Variants in ANKRD11 observed in about 807,000 individuals in gnomAD.
ANKRD11 encodes the protein ankyrin repeat domain-containing protein 11.
ANKRD11 carries 17 observed loss-of-function variants against 195.7 expected under a neutral mutation model. That is an observed-to-expected ratio of 0.09 (90% CI 0.06 to 0.13). ANKRD11 has a LOEUF of 0.13. Ranked by LOEUF, ANKRD11 falls within the 10% of genes least tolerant of loss-of-function variation. The pLI is 1.00. For synonymous variants in ANKRD11, 1,953 were observed against 1,528.1 expected (o/e 1.28, Z -6.49); for missense variants, 3,735 against 3,566.1 (o/e 1.05, Z -1.21).
chr16:89,474,308 T>C (rs1461075222), intron 1 of ANKRD11, among the ~76,000 whole-genome samples: 1 of 151,996 alleles, frequency 6.6e-6, no homozygotes, highest in African/African-American at 2.4e-5. Context: ...GTCAATTTGT[T>C]ACACAGCAGT....
At position 89,275,256 on chromosome 16, in the gene ANKRD11, TG is replaced by T. The variant is rs2033552801; in HGVS notation, c.7471-66del. 2.8e-6 allele frequency: 4 copies of T among 1,426,996 alleles called. No homozygotes were observed. In the African/African-American group the frequency reaches 4.2e-5, roughly 15 times the overall value. The allele number at this position is 1,426,996 out of a possible 1,614,324, so 88.4% of individuals were successfully genotyped here. ...GTGGAACTGCACGAAGGATATAGTC[TG>T]GAGTTCACGGGGGTCCCGACTCAGC... On this transcript the variant is annotated intron_variant, in intron 9 of 12. Transcript: ENST00000301030.
At chr16:89,311,364 C>A (rs192904157) in intron 3 of ANKRD11, among the ~76,000 whole-genome samples, 4 of 152,284 alleles carry the variant, frequency 2.6e-5, no homozygotes, top group Non-Finnish European at 5.9e-5. Flanking sequence ...TCCTGTAGTA[C>A]CTTTGTCTGG....
At chr16:89,449,853 C>T (rs1440251606) in intron 1 of ANKRD11, among the ~76,000 whole-genome samples, 1 of 144,958 alleles carries the variant, frequency 6.9e-6, no homozygotes, top group Admixed American at 7.0e-5. Context: ...CACATACTGG[C>T]AACAGAAAGC....
rs1209414366 is a variant in ANKRD11, at chr16:89,418,326, T to C, written c.-102A>G. ...GTCAGTGCTGACGAGGACTGTCTTTTAAATCCAATGGAGGTGTGTCCCAGA... is the reference window on the plus strand; with the variant it reads ...GTCAGTGCTGACGAGGACTGTCTTTCAAATCCAATGGAGGTGTGTCCCAGA... On this transcript the variant is annotated 5_prime_UTR_variant, in exon 2 of 13. It removes the in-frame stop codon of an upstream open reading frame in the 5' UTR. Coordinates refer to ENST00000301030, the MANE Select transcript of ANKRD11 (RefSeq NM_013275.6). 10 of 453,908 alleles carry C rather than the reference T, an allele frequency of 2.2e-5. No homozygotes were observed. The highest frequency in any genetic ancestry group is 4.4e-5 in the Non-Finnish European group (10 of 226,714). 28.1% of individuals were successfully genotyped at this position (453,908 alleles called of 1,614,324 possible).
chr16:89,279,981 C>T lies in ANKRD11; in HGVS notation c.6561G>A (p.Pro2187=), dbSNP rs772567539. 3.7e-6 allele frequency: 6 copies of T among 1,611,014 alleles called. No homozygotes were observed. The highest frequency in any genetic ancestry group is 1.7e-5 in the Admixed American group (1 of 60,006). ...GDVSTVVAEE[P]PALPPDQAST... is the part of the protein sequence containing the mutation. ...AGGCCTGGTCAGGAGGCAGTGCCGG[C>T]GGCTCCTCAGCCACTACGGTGGAAA... is the stretch of plus-strand genomic sequence containing the variant. Residue 2187 remains proline, a synonymous_variant, in exon 9 of 13, where the codon CCG becomes CCA. Transcript: ENST00000301030. The surrounding 1 kb of genome is among the most constrained non-coding windows in gnomAD (Gnocchi z 5.6).
rs1428830289 is a variant in ANKRD11, at chr16:89,441,603, TA to T, written c.-144-23236del. On this transcript the variant is annotated intron_variant, in intron 1 of 12. Coordinates refer to ENST00000301030, the MANE Select transcript of ANKRD11 (RefSeq NM_013275.6). The stretch of plus-strand genomic sequence containing the variant: ...TAACATGGTAAAACCCCACCTCTAC[TA>T]AAAATACAAAAAATTAGCTGGGTGT... 2.0e-5 allele frequency among the ~76,000 whole-genome samples: 3 copies of T among 151,366 alleles called. No individual in the cohort carries two copies. In the East Asian group the frequency reaches 5.9e-4, roughly 30 times the overall value.
intron 2 of ANKRD11, among the ~76,000 whole-genome samples, chr16:89,382,255 G>A (rs3096299): frequency 0.55 from 83,663 of 151,754 alleles, 23,247 homozygotes; most frequent in Middle Eastern, 0.75. Flanking sequence ...GTTAAAAGGT[G>A]TCTAGAAATT....
chr16:89,386,398 C>A (rs968458414), intron 2 of ANKRD11, among the ~76,000 whole-genome samples: 4 of 152,142 alleles, frequency 2.6e-5, no homozygotes, highest in Admixed American at 2.0e-4. Flanking sequence ...CCCTGCTGCC[C>A]CACCCTTTAC....
chr16:89,367,840 T>C (rs1213088140), intron 2 of ANKRD11, among the ~76,000 whole-genome samples: 5 of 152,004 alleles, frequency 3.3e-5, no homozygotes, highest in African/African-American at 1.2e-4. Flanking sequence ...AAACCCTGTC[T>C]CTACAAAAAA....
intron 2 of ANKRD11, among the ~76,000 whole-genome samples, chr16:89,383,927 C>G (rs1463680108): frequency 1.3e-5 from 2 of 152,252 alleles, no homozygotes; most frequent in Non-Finnish European, 2.9e-5. Context: ...TCACCTCCCA[C>G]TGACGAAGGC....
chr16:89,298,514 G>A (rs1443837033), intron 4 of ANKRD11, among the ~76,000 whole-genome samples: 1 of 152,228 alleles, frequency 6.6e-6, no homozygotes, highest in Non-Finnish European at 1.5e-5. Context: ...ACAGCATGGA[G>A]CCAGGAGGTA....
rs115491702 is a variant in ANKRD11 at position 89,337,269 on chromosome 16, G to A, written c.-59-20191C>T. On this transcript the variant is annotated intron_variant, in intron 2 of 12. Coordinates refer to ENST00000301030, the MANE Select transcript of ANKRD11 (RefSeq NM_013275.6). ...AAGCCCCATGCCCAAATGCTCCCAA[G>A]GAAACGTCAGAAAGGAGAGGACTTC... 9.5e-3 allele frequency among the ~76,000 whole-genome samples: 1,439 copies of A among 151,942 alleles called. 34 individuals carry two copies. Among genetic ancestry groups the A allele is most frequent in the African/African-American group, 0.032 (1,341 of 41,422 alleles).
intron 3 of ANKRD11, among the ~76,000 whole-genome samples, chr16:89,316,583 T>G (rs1027581263): frequency 2.6e-5 from 4 of 152,236 alleles, no homozygotes; most frequent in African/African-American, 9.6e-5. Context: ...TGGCCCAGCA[T>G]TGCTTGCAGT....
intron 9 of ANKRD11, among the ~76,000 whole-genome samples, chr16:89,276,029 C>A (rs1161535543): frequency 6.6e-6 from 1 of 152,234 alleles, no homozygotes; most frequent in Non-Finnish European, 1.5e-5. Flanking sequence ...CCACTCCCCA[C>A]AGGTGGACCC....
rs117575265 is a variant in ANKRD11, at chr16:89,358,759, G to A, written c.-59-41681C>T. Among the ~76,000 whole-genome samples the A allele has an allele frequency of 3.2e-4, 49 of 152,134 alleles. No homozygotes were observed. In the East Asian group the frequency reaches 7.9e-3, roughly 25 times the overall value. ...TGCACCCAGCCCTAGATAACCCCACGTGCAAACCACTTCCCCTGTGCCGCT... is the reference window on the plus strand; with the variant it reads ...TGCACCCAGCCCTAGATAACCCCACATGCAAACCACTTCCCCTGTGCCGCT... On this transcript the variant is annotated intron_variant, in intron 2 of 12. Coordinates refer to ENST00000301030, the MANE Select transcript of ANKRD11 (RefSeq NM_013275.6).
chr16:89,295,204 G>A (rs573453096), intron 4 of ANKRD11, among the ~76,000 whole-genome samples: 15 of 152,328 alleles, frequency 9.8e-5, no homozygotes, highest in South Asian at 2.1e-4. Flanking sequence ...CCCTGCAGTC[G>A]GAACACGGCC....
intron 4 of ANKRD11, among the ~76,000 whole-genome samples, chr16:89,303,261 T>C (rs936560568): frequency 6.6e-6 from 1 of 152,190 alleles, no homozygotes; most frequent in Non-Finnish European, 1.5e-5. Flanking sequence ...TGCAAAGAGC[T>C]AACAGCTACG....
intron 9 of ANKRD11, chr16:89,277,780 C>G (rs1360783513): frequency 1.3e-5 from 2 of 152,716 alleles, no homozygotes; most frequent in African/African-American, 4.8e-5. Flanking sequence ...GCTCCTGGAT[C>G]CTGCACAACG....
At chr16:89,331,756 G>C (rs1216732790) in intron 2 of ANKRD11, among the ~76,000 whole-genome samples, 1 of 152,104 alleles carries the variant, frequency 6.6e-6, no homozygotes, top group African/African-American at 2.4e-5. Context: ...AAAATATTGG[G>C]GCTACAGGCA....
Sources: gnomAD v4.1 joint callset for allele counts (sites outside exome capture counted in the v4.1 genomes callset) on GRCh38, gnomAD v4.1.1 for gene constraint, Gnocchi (gnomAD v3.1) non-coding constraint, MANE v1.5 for transcripts, NCBI Gene and HGNC (gene_info 2026-07-23, HGNC 2026-07-21) for gene names.